The following HIRA variants were observed in gnomAD, a reference collection of about 807,000 sequenced individuals.
HIRA encodes histone cell cycle regulator.
HIRA carries 13 observed loss-of-function variants against 126.6 expected under a neutral mutation model. The observed-to-expected ratio is 0.10, with a 90% CI of 0.07 to 0.16. The LOEUF is 0.16. HIRA is among the 10% of genes least tolerant of loss of function. HIRA has a pLI of 1.00. For missense variants in HIRA, 834 were observed against 1,314.4 expected (o/e 0.63, Z 5.65); for synonymous variants, 511 against 520.0 (o/e 0.98, Z 0.24).
intron 21 of HIRA, among the ~76,000 whole-genome samples, chr22:19,354,707 C>T (rs1317898129): frequency 6.6e-6 from 1 of 152,134 alleles, no homozygotes; most frequent in Non-Finnish European, 1.5e-5. Flanking sequence ...AGCTTATTTC[C>T]ATTATTACAG....
At chr22:19,394,755 C>T (rs1477071174) in intron 7 of HIRA, among the ~76,000 whole-genome samples, 1 of 152,180 alleles carries the variant, frequency 6.6e-6, no homozygotes, top group African/African-American at 2.4e-5. Flanking sequence ...AAATATAGTA[C>T]AGAAGTGTAT....
chr22:19,371,540 A>G (rs924901805), intron 15 of HIRA, among the ~76,000 whole-genome samples: 2 of 152,140 alleles, frequency 1.3e-5, no homozygotes, highest in African/African-American at 2.4e-5. Context: ...TAGCATATTC[A>G]TAAGGTTAAG....
At chr22:19,377,428 G>C (rs1024265345) in intron 14 of HIRA, among the ~76,000 whole-genome samples, 1 of 152,246 alleles carries the variant, frequency 6.6e-6, no homozygotes. Context: ...GGCTCTGTGA[G>C]TGAATATAAT....
chr22:19,416,351 C>T (rs2089398212), intron 1 of HIRA, among the ~76,000 whole-genome samples: 1 of 151,720 alleles, frequency 6.6e-6, no homozygotes, highest in Non-Finnish European at 1.5e-5. Flanking sequence ...TGAGACAGCA[C>T]CTCATTCTGT....
chr22:19,356,520 G>A (rs181739392), intron 19 of HIRA, among the ~76,000 whole-genome samples: 55 of 152,262 alleles, frequency 3.6e-4, no homozygotes, highest in Non-Finnish European at 6.3e-4. Context: ...AACCCTCAGC[G>A]CCCACACCAC....
At chr22:19,431,331 G>A in intron 1 of HIRA, 109 bp downstream of exon 1, 2 of 1,261,818 alleles carry the variant, frequency 1.6e-6, no homozygotes, top group Non-Finnish European at 2.3e-6. Flanking sequence ...TGGGCACCGG[G>A]TACCGGGCGT....
At chr22:19,357,467 A>T (rs1182886259) in intron 18 of HIRA, among the ~76,000 whole-genome samples, 4 of 152,188 alleles carry the variant, frequency 2.6e-5, no homozygotes, top group African/African-American at 9.7e-5. Flanking sequence ...GCAGGCTAAG[A>T]GAAGTATGGG....
chr22:19,431,668 G>C lies in HIRA; in HGVS notation c.-192C>G, dbSNP rs565233912. The C allele has an allele frequency of 2.3e-6, 1 of 431,110 alleles. No individual in the cohort carries two copies. The highest frequency in any genetic ancestry group is 3.5e-6 in the Non-Finnish European group (1 of 285,546). The allele number at this position is 431,110 out of a possible 1,614,324, so 26.7% of individuals were successfully genotyped here. A position where few individuals can be genotyped will look rare whatever the true frequency, so the allele number is the denominator to read the frequency against. On this transcript the variant is annotated 5_prime_UTR_variant, in exon 1 of 25. Transcript: ENST00000263208. ...CCGCCACAGCCGCCACCCGCGCTCG[G>C]CCGCCGCCGCCGCCACCACAGCCGC...
At chr22:19,417,560 T>G (rs12157543) in intron 1 of HIRA, among the ~76,000 whole-genome samples, 2 of 152,176 alleles carry the variant, frequency 1.3e-5, no homozygotes, top group African/African-American at 4.8e-5. Flanking sequence ...AGGCGGAGGT[T>G]GCAGTGGGCC....
intron 23 of HIRA, among the ~76,000 whole-genome samples, chr22:19,353,129 CTGTCCTGCTGCT>C (rs1406484132): frequency 6.6e-6 from 1 of 152,244 alleles, no homozygotes; most frequent in Non-Finnish European, 1.5e-5. Context: ...GTCCTGCTGC[CTGTCCTGCTGCT>C]TCTCTGCGGG....
At chr22:19,374,267 G>A (rs1026981467) in intron 15 of HIRA, among the ~76,000 whole-genome samples, 1 of 152,102 alleles carries the variant, frequency 6.6e-6, no homozygotes, top group Non-Finnish European at 1.5e-5. Flanking sequence ...CTGGGAGGCG[G>A]AGGTTGCAGT....
chr22:19,430,919 G>A (rs2089530634), intron 1 of HIRA, among the ~76,000 whole-genome samples: 1 of 152,094 alleles, frequency 6.6e-6, no homozygotes, highest in South Asian at 2.1e-4. Context: ...GATCCTTCGC[G>A]GGGGCCCGGG....
intron 8 of HIRA, among the ~76,000 whole-genome samples, chr22:19,392,417 G>A (rs996029292): frequency 2.6e-5 from 4 of 152,212 alleles, no homozygotes; most frequent in African/African-American, 7.2e-5. Flanking sequence ...AAGTATGTGC[G>A]GAGGCACCAA....
intron 1 of HIRA, among the ~76,000 whole-genome samples, chr22:19,416,954 C>A (rs1377152093): frequency 6.6e-6 from 1 of 152,150 alleles, no homozygotes; most frequent in East Asian, 1.9e-4. Flanking sequence ...AATCCCAGCA[C>A]TTTGGGAGGC....
intron 14 of HIRA, among the ~76,000 whole-genome samples, chr22:19,377,127 G>T (rs1254657875): frequency 6.6e-6 from 1 of 152,170 alleles, no homozygotes; most frequent in African/African-American, 2.4e-5. Context: ...GGTACCCTCT[G>T]AGGCACCTCC....
chr22:19,423,518 CACACACAT>C (rs766845237), intron 1 of HIRA, among the ~76,000 whole-genome samples: 5,975 of 99,630 alleles, frequency 0.06, 155 homozygotes, highest in African/African-American at 0.1. Context: ...CACACACACA[CACACACAT>C]ATTTTCAGCT....
Position 19,351,193 on chromosome 22 carries a change from G to A in HIRA, c.2937+165C>T, listed in dbSNP as rs2088753641. On this transcript the variant is annotated intron_variant, in intron 24 of 24. Coordinates refer to ENST00000263208, the MANE Select transcript of HIRA (RefSeq NM_003325.4). This position sits in a 1 kb window ranked among gnomAD's most constrained non-coding sequence, Gnocchi z 4.8. ...CAGGGCCCAGCTCCTGCCAGGTTGT[G>A]GAGGGCCGTCGGCATGTCACCCTCT... is the stretch of plus-strand genomic sequence containing the variant. 5 of 985,390 alleles carry A rather than the reference G, an allele frequency of 5.1e-6. No homozygotes were observed. Among genetic ancestry groups the A allele is most frequent in the Non-Finnish European group, 6.0e-6 (5 of 829,936 alleles). The allele number at this position is 985,390 out of a possible 1,614,324, so 61.0% of individuals were successfully genotyped here. A position where few individuals can be genotyped will look rare whatever the true frequency, so the allele number is the denominator to read the frequency against.
At chr22:19,423,128 A>C (rs776609696) in intron 1 of HIRA, among the ~76,000 whole-genome samples, 3 of 152,180 alleles carry the variant, frequency 2.0e-5, no homozygotes, top group Non-Finnish European at 4.4e-5. Flanking sequence ...GCAGCTCAGA[A>C]TCTGACTCCT....
intron 1 of HIRA, among the ~76,000 whole-genome samples, chr22:19,426,267 C>A (rs1445429222): frequency 6.6e-6 from 1 of 152,290 alleles, no homozygotes; most frequent in Non-Finnish European, 1.5e-5. Flanking sequence ...TCAGAAGCCT[C>A]AATGTTCTCC....
Sources: gnomAD v4.1 joint callset for allele counts (sites outside exome capture counted in the v4.1 genomes callset) on GRCh38, gnomAD v4.1.1 for gene constraint, Gnocchi (gnomAD v3.1) non-coding constraint, MANE v1.5 for transcripts, NCBI Gene and HGNC (gene_info 2026-07-23, HGNC 2026-07-21) for gene names.